Variants in HCN2 observed in about 807,000 individuals in gnomAD.
The protein encoded by HCN2 is hyperpolarization activated cyclic nucleotide gated potassium and sodium channel 2, also known as potassium/sodium hyperpolarization-activated cyclic nucleotide-gated channel 2.
A neutral mutation model predicts 52.3 loss-of-function variants in HCN2; 20 were observed. The observed-to-expected ratio is 0.38, with a 90% CI of 0.27 to 0.56. HCN2 has a LOEUF of 0.56. Among genes scored for constraint, HCN2 ranks in the 20% least tolerant of loss-of-function variants. HCN2 has a pLI of 0.71. For missense variants in HCN2, 981 were observed against 1,207.7 expected (o/e 0.81, Z 2.78); for synonymous variants, 694 against 537.0 (o/e 1.29, Z -4.04).
At chr19:609,425 G>C (rs1049595111) in intron 4 of HCN2, among the ~76,000 whole-genome samples, 1 of 152,234 alleles carries the variant, frequency 6.6e-6, no homozygotes, top group African/African-American at 2.4e-5. Flanking sequence ...TCTCCTCGTA[G>C]AGTCAGGTGC....
At chr19:603,034 G>C (rs1391301926) in intron 1 of HCN2, among the ~76,000 whole-genome samples, 1 of 111,806 alleles carries the variant, frequency 8.9e-6, no homozygotes, top group Admixed American at 9.0e-5. Context: ...CGCCTGGGGG[G>C]AAGGCACCGG....
intron 5 of HCN2, among the ~76,000 whole-genome samples, chr19:612,395 T>TGGGG (rs1309811893): frequency 0.026 from 993 of 37,888 alleles, 7 homozygotes; most frequent in African/African-American, 0.1. Flanking sequence ...TTTCCACTGG[T>TGGGG]GTGTGTGTGT....
At chr19:613,719 G>GGCCGGGGCCGGC in intron 6 of HCN2, 133 bp from the exon 7 acceptor site, 4 of 447,044 alleles carry the variant, frequency 8.9e-6, no homozygotes, top group Non-Finnish European at 1.2e-5. Flanking sequence ...ATGGGGCCGG[G>GGCCGGGGCCGGC]GCCGGCACCA....
At position 603,950 on chromosome 19, in the gene HCN2, A is replaced by G; in HGVS notation, c.1039A>G (p.Ile347Val). The change falls in exon 2 of 8, where the codon ATC (isoleucine) becomes GTC (valine). Residue 347 changes from isoleucine to valine, a missense_variant. Transcript: ENST00000251287. ...LLRLSRLIRY[I>V]HQWEEIFHMT... Reference sequence around the variant, plus strand: ...GCGCCTCTCACGCCTGATCCGCTACATCCATCAGTGGGAGGAGGTGAGGTG... The same window carrying G: ...GCGCCTCTCACGCCTGATCCGCTACGTCCATCAGTGGGAGGAGGTGAGGTG... The G allele has an allele frequency of 6.4e-7, 1 of 1,561,442 alleles. No homozygotes were observed. Among genetic ancestry groups the G allele is most frequent in the Non-Finnish European group, 8.7e-7 (1 of 1,151,630 alleles).
intron 1 of HCN2, among the ~76,000 whole-genome samples, chr19:593,929 A>T (rs1393781890): frequency 6.6e-6 from 1 of 152,158 alleles, no homozygotes; most frequent in African/African-American, 2.4e-5. Flanking sequence ...TGCCTCCCAG[A>T]GCAAAATTAG....
rs1164901647 is a variant in HCN2 at position 592,868 on chromosome 19, G to T, written c.632+2291G>T. ...ACGTTTGCAGCTGACTCAGGAGCCT[G>T]GCCCCAACTGGCTTCGGGCCCAAGG... is the stretch of plus-strand genomic sequence containing the variant. On this transcript the variant is annotated intron_variant, in intron 1 of 7. Coordinates refer to ENST00000251287, the MANE Select transcript of HCN2 (RefSeq NM_001194.4). The surrounding 1 kb of genome is among the most constrained non-coding windows in gnomAD (Gnocchi z 4.8). Among the ~76,000 whole-genome samples the T allele has an allele frequency of 6.6e-6, 1 of 152,212 alleles. No individual in the cohort carries two copies. Among genetic ancestry groups the T allele is most frequent in the Non-Finnish European group, 1.5e-5 (1 of 68,030 alleles).
intron 6 of HCN2, among the ~76,000 whole-genome samples, 166 bp from the exon 7 acceptor site, chr19:613,686 T>TCCGGGGCC (rs1568368853): frequency 1.4e-3 from 30 of 20,772 alleles, no homozygotes; most frequent in African/African-American, 7.2e-3. Flanking sequence ...GGGCCGGGGA[T>TCCGGGGCC]GGGGCCGGGG....
chr19:609,826 A>G (rs1161580276), intron 4 of HCN2, among the ~76,000 whole-genome samples: 2 of 152,180 alleles, frequency 1.3e-5, no homozygotes, highest in Admixed American at 6.5e-5. Context: ...GCTTGAGCCC[A>G]TAGGCGGAGG....
chr19:613,543 G>A, intron 6 of HCN2, 55 bp downstream of exon 6: 2 of 1,420,872 alleles, frequency 1.4e-6, no homozygotes, highest in Admixed American at 1.8e-5. Context: ...CCCCCGCGGT[G>A]TGCAGAGCCA....
chr19:600,488 G>A (rs1983168446), intron 1 of HCN2, among the ~76,000 whole-genome samples: 1 of 151,996 alleles, frequency 6.6e-6, no homozygotes, highest in Admixed American at 6.6e-5. Flanking sequence ...CTACAGGCAC[G>A]TGCCATCATG....
chr19:596,364 G>C (rs1301966355), intron 1 of HCN2, among the ~76,000 whole-genome samples: 1 of 152,188 alleles, frequency 6.6e-6, no homozygotes, highest in Non-Finnish European at 1.5e-5. Context: ...TCTGGAGTGA[G>C]AGGGGGTCCG....
At chr19:615,444 G>A (rs1241435818) in intron 7 of HCN2, among the ~76,000 whole-genome samples, 1 of 152,200 alleles carries the variant, frequency 6.6e-6, no homozygotes, top group East Asian at 1.9e-4. Context: ...AACCCGGGAG[G>A]TGGACCTTGC....
In HCN2 at chr19:616,568, C is replaced by T. The variant is rs56291780; in HGVS notation, c.*94C>T. ...CATTGCGCTGCCCCGGCCGCCAGTC[C>T]GCCCAGAAGCCATAGACGAGACGTA... On this transcript the variant is annotated 3_prime_UTR_variant, in exon 8 of 8. Coordinates refer to ENST00000251287, the MANE Select transcript of HCN2 (RefSeq NM_001194.4). 2.1e-3 allele frequency: 1,565 copies of T among 750,586 alleles called. 5 individuals are homozygous for T. The highest frequency in any genetic ancestry group is 2.5e-3 in the Admixed American group (47 of 18,980). The allele number at this position is 750,586 out of a possible 1,614,324, so 46.5% of individuals were successfully genotyped here.
chr19:613,819 G>T, intron 6 of HCN2, 33 bp from the exon 7 acceptor site: 1 of 1,480,852 alleles, frequency 6.8e-7, no homozygotes, highest in Middle Eastern at 2.5e-4. Flanking sequence ...CGCCCGCCTC[G>T]TCCAGCAACC....
intron 1 of HCN2, among the ~76,000 whole-genome samples, chr19:600,954 C>T (rs762088099): frequency 3.3e-5 from 5 of 152,216 alleles, no homozygotes; most frequent in Non-Finnish European, 7.3e-5. Flanking sequence ...CCTCCAACCC[C>T]CGGCCCCCGG....
rs1064796423 is a variant in HCN2 at position 613,291 on chromosome 19, C to T, written c.1628C>T (p.Pro543Leu). The change falls in exon 6 of 8, where the codon CCG (proline) becomes CTG (leucine). Residue 543 changes from proline to leucine, a missense_variant. Physicochemically the swap from Pro to Leu is moderately conservative, Grantham distance 98 (BLOSUM62 -3). This residue lies in a region of HCN2 where 282 missense variants were observed against 553.8 expected (regional missense o/e 0.51). Coordinates refer to ENST00000251287, the MANE Select transcript of HCN2 (RefSeq NM_001194.4). ...FNCRKLVASM[P>L]LFANADPNFV... The stretch of plus-strand genomic sequence containing the variant: ...TGCCGGAAGCTGGTGGCCTCCATGC[C>T]GCTGTTCGCCAACGCCGACCCCAAC... 1.9e-6 allele frequency: 3 copies of T among 1,612,712 alleles called. No individual in the cohort carries two copies. The highest frequency in any genetic ancestry group is 1.7e-6 in the Non-Finnish European group (2 of 1,179,894).
At chr19:596,121 T>C (rs1376512888) in intron 1 of HCN2, among the ~76,000 whole-genome samples, 1 of 152,180 alleles carries the variant, frequency 6.6e-6, no homozygotes, top group Non-Finnish European at 1.5e-5. Flanking sequence ...CCCCCAAGCT[T>C]CATCCAGCCC....
intron 3 of HCN2, 43 bp downstream of exon 3, chr19:605,265 C>T (rs1455554702): frequency 1.5e-5 from 24 of 1,593,864 alleles, no homozygotes; most frequent in East Asian, 2.2e-5. Context: ...CGCAGGCTCC[C>T]ATACAGAGGG....
chr19:589,909 G>A lies in HCN2; in HGVS notation c.-37G>A, dbSNP rs1480091739. On this transcript the variant is annotated 5_prime_UTR_variant, in exon 1 of 8. Transcript: ENST00000251287. ...TCGGGCTCCGGCCGGCGGCGGCGGC[G>A]GCGGCTCCGCTCCGCACTGCCCGGC... 3 of 865,204 alleles carry A rather than the reference G, an allele frequency of 3.5e-6. No individual in the cohort carries two copies. Among genetic ancestry groups the A allele is most frequent in the African/African-American group, 2.0e-5 (1 of 49,158 alleles). 53.6% of individuals were successfully genotyped at this position (865,204 alleles called of 1,614,324 possible). A position where few individuals can be genotyped will look rare whatever the true frequency, so the allele number is the denominator to read the frequency against.
Sources: gnomAD v4.1 joint callset for allele counts (sites outside exome capture counted in the v4.1 genomes callset) on GRCh38, gnomAD v4.1.1 for gene constraint, gnomAD v4.1.1 regional missense constraint, Gnocchi (gnomAD v3.1) non-coding constraint, MANE v1.5 for transcripts, NCBI Gene and HGNC (gene_info 2026-07-23, HGNC 2026-07-21) for gene names.